Variants in VEPH1 observed in about 807,000 individuals in gnomAD.
VEPH1 encodes the protein ventricular zone expressed PH domain containing 1.
VEPH1 carries 80 observed loss-of-function variants against 85.2 expected under a neutral mutation model. The observed-to-expected ratio is 0.94, with a 90% CI of 0.78 to 1.13. The LOEUF (loss-of-function observed/expected upper bound fraction) is 1.13. Among genes scored for constraint, VEPH1 ranks in the 50% most tolerant of loss-of-function variants. The pLI, the probability that VEPH1 is intolerant of heterozygous loss-of-function variation, is 0.00. For synonymous variants in VEPH1, 297 were observed against 348.0 expected (o/e 0.85, Z 1.63); for missense variants, 955 against 980.5 (o/e 0.97, Z 0.35).
chr3:157,398,375 C>G (rs1295902803), intron 6 of VEPH1, among the ~76,000 whole-genome samples: 1 of 152,182 alleles, frequency 6.6e-6, no homozygotes, highest in East Asian at 1.9e-4. Flanking sequence ...GTGGCTCAAG[C>G]CTGTAATCCC....
intron 3 of VEPH1, among the ~76,000 whole-genome samples, chr3:157,460,858 G>A (rs768426658): frequency 3.3e-5 from 5 of 152,112 alleles, no homozygotes; most frequent in Non-Finnish European, 5.9e-5. Context: ...GGAGTGGGAG[G>A]TGAGGGGAGA....
intron 4 of VEPH1, among the ~76,000 whole-genome samples, chr3:157,446,932 TAGTC>T (rs1227219953): frequency 1.3e-5 from 2 of 152,126 alleles, no homozygotes; most frequent in Non-Finnish European, 2.9e-5. Context: ...AGTCTCAAAT[TAGTC>T]AGGAACTTAG....
intron 6 of VEPH1, among the ~76,000 whole-genome samples, chr3:157,409,360 T>C (rs2109014514): frequency 6.6e-6 from 1 of 152,264 alleles, no homozygotes; most frequent in South Asian, 2.1e-4. Flanking sequence ...ATCCTGGCAT[T>C]ATAAAGAACT....
intron 2 of VEPH1, among the ~76,000 whole-genome samples, chr3:157,488,846 G>A (rs998656289): frequency 6.7e-6 from 1 of 150,246 alleles, no homozygotes; most frequent in Admixed American, 6.6e-5. Context: ...TTCCTTGGTC[G>A]TCTTCATCTT....
intron 12 of VEPH1, among the ~76,000 whole-genome samples, chr3:157,282,729 T>C (rs1008096409): frequency 1.3e-5 from 2 of 152,216 alleles, no homozygotes; most frequent in Non-Finnish European, 2.9e-5. Flanking sequence ...ACCAGCTGAC[T>C]AACTCTTACT....
At chr3:157,362,015 G>A (rs1726098011) in intron 9 of VEPH1, among the ~76,000 whole-genome samples, 1 of 151,878 alleles carries the variant, frequency 6.6e-6, no homozygotes, top group Admixed American at 6.6e-5. Flanking sequence ...ATTTTACTGA[G>A]TTTTTTAATT....
chr3:157,423,327 A>G (rs1272800787), intron 5 of VEPH1, among the ~76,000 whole-genome samples: 1 of 152,210 alleles, frequency 6.6e-6, no homozygotes, highest in Non-Finnish European at 1.5e-5. Context: ...CCTGAGCTCT[A>G]GCCTTGCTCC....
At chr3:157,348,207 AG>A (rs762814121) in intron 9 of VEPH1, among the ~76,000 whole-genome samples, 26 of 152,162 alleles carry the variant, frequency 1.7e-4, no homozygotes, top group Non-Finnish European at 3.5e-4. Context: ...CCCAAGCAGG[AG>A]GGGCATGGGG....
chr3:157,286,802 C>A (rs770384695), intron 11 of VEPH1, 128 bp from the exon 12 acceptor site: 1 of 740,920 alleles, frequency 1.3e-6, no homozygotes. Context: ...GACTAAGAGG[C>A]AGCATTGAAA....
intron 9 of VEPH1, among the ~76,000 whole-genome samples, chr3:157,338,238 T>G (rs947700191): frequency 6.6e-6 from 1 of 152,210 alleles, no homozygotes. Context: ...GCTTCCCTCA[T>G]TTAATCCTCA....
chr3:157,321,776 T>A (rs995838225), intron 9 of VEPH1, among the ~76,000 whole-genome samples: 1 of 152,104 alleles, frequency 6.6e-6, no homozygotes, highest in Non-Finnish European at 1.5e-5. Flanking sequence ...TGATCCAGAA[T>A]GAAACAAACA....
At chr3:157,407,238 C>T (rs1220363949) in intron 6 of VEPH1, among the ~76,000 whole-genome samples, 1 of 148,664 alleles carries the variant, frequency 6.7e-6, no homozygotes, top group East Asian at 1.9e-4. Flanking sequence ...TAACTTAAAC[C>T]ACTTCATATT....
chr3:157,313,507 TAAAAG>T lies in VEPH1; in HGVS notation c.2010+109_2010+113del, dbSNP rs1384493019. 3.2e-6 allele frequency: 4 copies of T among 1,245,926 alleles called. No homozygotes were observed. The East Asian group carries it at 7.4e-5, about 23-fold the overall frequency. The allele number at this position is 1,245,926 out of a possible 1,614,324, so 77.2% of individuals were successfully genotyped here. The stretch of plus-strand genomic sequence containing the variant: ...TCTTACAAGTGTTTTATGATAATAA[TAAAAG>T]AAAGGTAAACGAAAGAAGGATGAAA... On this transcript the variant is annotated intron_variant, in intron 11 of 13. Coordinates refer to ENST00000362010, the MANE Select transcript of VEPH1 (RefSeq NM_001167912.2).
intron 9 of VEPH1, among the ~76,000 whole-genome samples, chr3:157,354,849 T>C (rs779819808): frequency 2.0e-5 from 3 of 152,186 alleles, no homozygotes; most frequent in Non-Finnish European, 4.4e-5. Context: ...TAGCATTTGC[T>C]TCCTAAGGAG....
chr3:157,268,286 C>A (rs768004677), intron 12 of VEPH1, among the ~76,000 whole-genome samples: 1 of 152,098 alleles, frequency 6.6e-6, no homozygotes, highest in Non-Finnish European at 1.5e-5. Flanking sequence ...CAGTGCCTGC[C>A]GGGCTAGAGC....
At chr3:157,327,128 C>A (rs897893429) in intron 9 of VEPH1, among the ~76,000 whole-genome samples, 1 of 152,010 alleles carries the variant, frequency 6.6e-6, no homozygotes, top group Admixed American at 6.6e-5. Context: ...ACCCCTGGAC[C>A]GGCCCATGTG....
chr3:157,434,260 G>A (rs1307650677), intron 4 of VEPH1, among the ~76,000 whole-genome samples: 1 of 151,810 alleles, frequency 6.6e-6, no homozygotes, highest in Non-Finnish European at 1.5e-5. Context: ...TATGTTTTAT[G>A]CATAGCTTTT....
chr3:157,338,715 A>G (rs899708374), intron 9 of VEPH1, among the ~76,000 whole-genome samples: 2 of 152,200 alleles, frequency 1.3e-5, no homozygotes, highest in East Asian at 3.9e-4. Context: ...TTTTCCTAAT[A>G]AGGGCTGTCA....
At chr3:157,357,870 C>T (rs560002749) in intron 9 of VEPH1, among the ~76,000 whole-genome samples, 1 of 152,122 alleles carries the variant, frequency 6.6e-6, no homozygotes, top group African/African-American at 2.4e-5. Context: ...TAAAGAAGAG[C>T]TTTTAAAAAT....
Sources: gnomAD v4.1 joint callset for allele counts (sites outside exome capture counted in the v4.1 genomes callset) on GRCh38, gnomAD v4.1.1 for gene constraint, MANE v1.5 for transcripts, NCBI Gene and HGNC (gene_info 2026-07-23, HGNC 2026-07-21) for gene names.